PTP4A1: variants seen among roughly 807,000 people sequenced by gnomAD.
PTP4A1 encodes the protein protein tyrosine phosphatase type IVA 1.
PTP4A1 carries 9 observed loss-of-function variants against 20.5 expected under a neutral mutation model. The observed-to-expected ratio is 0.44, with a 90% CI of 0.26 to 0.77. The LOEUF is 0.77. PTP4A1 is among the 30% of genes least tolerant of loss of function. The probability of loss-of-function intolerance (pLI) is 0.19; values close to 1 mark genes in which losing one functional copy is unlikely to be tolerated. For missense variants in PTP4A1, 137 were observed against 218.8 expected (o/e 0.63, Z 2.36); for synonymous variants, 78 against 67.4 (o/e 1.16, Z -0.77).
chr6:63,556,494 T>G (rs141339646), intron 3 of PTP4A1, among the ~76,000 whole-genome samples: 756 of 152,290 alleles, frequency 5.0e-3, no homozygotes, highest in Non-Finnish European at 7.7e-3. Flanking sequence ...TAAAACAACT[T>G]AACGATATTA....
intron 3 of PTP4A1, among the ~76,000 whole-genome samples, chr6:63,564,280 A>G (rs1174645103): frequency 2.6e-5 from 4 of 152,028 alleles, no homozygotes; most frequent in Non-Finnish European, 5.9e-5. Context: ...TGTCTCAAAA[A>G]AAAAAAAAAA....
chr6:63,518,793 A>G (rs545458289), upstream of PTP4A1, among the ~76,000 whole-genome samples: 1 of 152,364 alleles, frequency 6.6e-6, no homozygotes, highest in South Asian at 2.1e-4. Context: ...AGTTGCTGAA[A>G]AGATAGAAAA....
At chr6:63,564,232 C>T (rs1186665475) in intron 3 of PTP4A1, among the ~76,000 whole-genome samples, 1 of 150,224 alleles carries the variant, frequency 6.7e-6, no homozygotes, top group East Asian at 2.0e-4. Context: ...ACCAAGATTG[C>T]ACCATTGCAC....
chr6:63,549,203 G>T, intron 2 of PTP4A1: 1 of 708,346 alleles, frequency 1.4e-6, no homozygotes, highest in Non-Finnish European at 2.6e-6. Context: ...TCTCTGATCT[G>T]TACTTGTGGG....
chr6:63,558,891 G>T (rs1408056865), intron 3 of PTP4A1, among the ~76,000 whole-genome samples: 1 of 152,246 alleles, frequency 6.6e-6, no homozygotes. Context: ...CATCTGTCAA[G>T]TAGGATTGTT....
rs60036836 is a variant in PTP4A1, at chr6:63,546,728, A to G, written c.-639-3572A>G. ...TCTCAAAAAAAAAAAATAGAGTACA[A>G]GCTTTCAGTTAGGATGACTAAGTTC... On this transcript the variant is annotated intron_variant, in intron 2 of 3. Coordinates refer to the PTP4A1 transcript ENST00000639568. 5.9e-5 allele frequency among the ~76,000 whole-genome samples: 9 copies of G among 152,104 alleles called. No homozygotes were observed. The East Asian group carries it at 1.7e-3, about 29-fold the overall frequency.
chr6:63,569,324 C>T (rs1777320170), upstream of PTP4A1, among the ~76,000 whole-genome samples: 1 of 152,162 alleles, frequency 6.6e-6, no homozygotes, highest in African/African-American at 2.4e-5. Context: ...GCCATGATCT[C>T]GGCTCACTGC....
intron 2 of PTP4A1, among the ~76,000 whole-genome samples, chr6:63,543,487 A>G (rs977171755): frequency 6.6e-6 from 1 of 152,194 alleles, no homozygotes; most frequent in African/African-American, 2.4e-5. Context: ...CTTATTCACC[A>G]TTTTGTCTTG....
At chr6:63,527,792 T>C (rs1296809895) in intron 1 of PTP4A1, 1 of 152,206 alleles carries the variant, frequency 6.6e-6, no homozygotes, top group Non-Finnish European at 1.5e-5. Flanking sequence ...TGAGCTCACC[T>C]GACAGATTGC....
chr6:63,542,914 A>T (rs191742793), intron 2 of PTP4A1, among the ~76,000 whole-genome samples: 8 of 152,150 alleles, frequency 5.3e-5, no homozygotes, highest in African/African-American at 1.9e-4. Context: ...TCGTGTTCCT[A>T]ACCCTTGCAA....
chr6:63,535,918 G>T (rs531054025), intron 2 of PTP4A1, among the ~76,000 whole-genome samples: 3 of 152,134 alleles, frequency 2.0e-5, no homozygotes, highest in Admixed American at 1.3e-4. Context: ...GTTTACAGGC[G>T]TGCGCCACCA....
intron 3 of PTP4A1, among the ~76,000 whole-genome samples, chr6:63,563,459 A>T (rs949449788): frequency 6.6e-6 from 1 of 152,126 alleles, no homozygotes; most frequent in African/African-American, 2.4e-5. Flanking sequence ...ATTCATTCTC[A>T]TCATTTAGAT....
intron 2 of PTP4A1, chr6:63,549,078 G>A: frequency 1.4e-6 from 1 of 714,380 alleles, no homozygotes; most frequent in South Asian, 1.5e-5. Flanking sequence ...TAGCAAGGTG[G>A]TGATGGTGTT....
upstream of PTP4A1, among the ~76,000 whole-genome samples, chr6:63,517,158 T>C (rs1256367279): frequency 6.6e-6 from 1 of 152,104 alleles, no homozygotes; most frequent in East Asian, 1.9e-4. Context: ...TATATTATTA[T>C]TAAACAAGGA....
chr6:63,544,251 T>G (rs1192821154), intron 2 of PTP4A1, among the ~76,000 whole-genome samples: 1 of 152,184 alleles, frequency 6.6e-6, no homozygotes, highest in Non-Finnish European at 1.5e-5. Context: ...ATATAAAGAA[T>G]TCCTGCCTAT....
At chr6:63,565,097 A>T (rs1415273479) in intron 3 of PTP4A1, among the ~76,000 whole-genome samples, 1 of 152,082 alleles carries the variant, frequency 6.6e-6, no homozygotes, top group East Asian at 1.9e-4. Flanking sequence ...TGCAGCCCTA[A>T]CAACTCCTGG....
chr6:63,541,358 GC>G (rs1468096934), intron 2 of PTP4A1, among the ~76,000 whole-genome samples: 1 of 151,964 alleles, frequency 6.6e-6, no homozygotes, highest in African/African-American at 2.4e-5. Flanking sequence ...TTCAAGAGCA[GC>G]CTGGCCAACA....
intron 3 of PTP4A1, among the ~76,000 whole-genome samples, chr6:63,560,338 CAAAAA>C (rs369689231): frequency 2.0e-5 from 1 of 50,582 alleles, no homozygotes; most frequent in African/African-American, 6.9e-5. Flanking sequence ...GACTCCGTCT[CAAAAA>C]AAAAAAAAAA....
intron 3 of PTP4A1, among the ~76,000 whole-genome samples, chr6:63,555,692 CTTTTTT>C (rs35538550): frequency 7.4e-6 from 1 of 135,008 alleles, no homozygotes; most frequent in Non-Finnish European, 1.6e-5. Context: ...CAATTACACT[CTTTTTT>C]TTTTTTTTTT....
Sources: gnomAD v4.1 joint callset for allele counts (sites outside exome capture counted in the v4.1 genomes callset) on GRCh38, gnomAD v4.1.1 for gene constraint, MANE v1.5 for transcripts, NCBI Gene and HGNC (gene_info 2026-07-23, HGNC 2026-07-21) for gene names.